The following LRPPRC variants were observed in gnomAD, a reference collection of about 807,000 sequenced individuals.
LRPPRC encodes the protein leucine-rich PPR motif-containing protein, mitochondrial.
A neutral mutation model predicts 180.3 loss-of-function variants in LRPPRC; 120 were observed. The observed-to-expected ratio is 0.67, with a 90% CI of 0.57 to 0.77. The LOEUF (loss-of-function observed/expected upper bound fraction) is 0.77. Ranked by LOEUF, LRPPRC falls within the 30% of genes least tolerant of loss-of-function variation. LRPPRC has a pLI of 0.00. For missense variants in LRPPRC, 2,012 were observed against 1,657.2 expected, an observed-to-expected ratio of 1.21 and a Z score of -3.72; for synonymous variants, 723 against 600.0, an observed-to-expected ratio of 1.21 and a Z score of -3.00.
At chr2:43,916,143 A>G (rs968855595) in intron 29 of LRPPRC, among the ~76,000 whole-genome samples, 1 of 152,164 alleles carries the variant, frequency 6.6e-6, no homozygotes, top group Non-Finnish European at 1.5e-5. Context: ...CCTCAAAACT[A>G]TCAATACTAA....
intron 25 of LRPPRC, 71 bp from the exon 26 acceptor site, chr2:43,926,032 C>G: frequency 2.2e-6 from 2 of 910,856 alleles, no homozygotes; most frequent in Non-Finnish European, 3.7e-6. Flanking sequence ...TCCTCAAAGA[C>G]AGTTTCTTTT....
chr2:43,945,979 T>C (rs1672666705), intron 21 of LRPPRC, 134 bp downstream of exon 21: 9 of 947,862 alleles, frequency 9.5e-6, no homozygotes, highest in African/African-American at 1.7e-5. Flanking sequence ...AATACGAAAT[T>C]TCAAAAACAC....
chr2:43,974,119 A>T, intron 9 of LRPPRC, 31 bp downstream of exon 9: 1 of 1,591,976 alleles, frequency 6.3e-7, no homozygotes, highest in South Asian at 1.1e-5. Context: ...TGCCAATTAC[A>T]TTGTCTACAA....
chr2:43,896,850 T>C (rs1321156237), intron 34 of LRPPRC, 142 bp from the exon 35 acceptor site: 1 of 640,000 alleles, frequency 1.6e-6, no homozygotes, highest in Non-Finnish European at 2.8e-6. Context: ...ACTATTATTT[T>C]TTAAGGCAAG....
intron 25 of LRPPRC, among the ~76,000 whole-genome samples, chr2:43,927,430 T>C (rs1235790864): frequency 6.6e-6 from 1 of 152,200 alleles, no homozygotes; most frequent in Non-Finnish European, 1.5e-5. Flanking sequence ...CTTTTTGGGA[T>C]ACAAGAAATC....
rs1385253881 is a variant in LRPPRC, at chr2:43,973,603, T to C, written c.1369+4A>G. Reference sequence around the variant, plus strand: ...TTACAAATCGGTAAAAGGCAAAATCTAACCTTGAACATTTTTTTCCTTCCG... The same window carrying C: ...TTACAAATCGGTAAAAGGCAAAATCCAACCTTGAACATTTTTTTCCTTCCG... On this transcript the variant is annotated splice_donor_region_variant and intron_variant, in intron 11 of 37. Transcript: ENST00000260665. The C allele has an allele frequency of 1.2e-6, 2 of 1,604,516 alleles. No homozygotes were observed. The highest frequency in any genetic ancestry group is 1.7e-6 in the Non-Finnish European group (2 of 1,171,244).
At chr2:43,976,706 A>AT (rs1195236070) in intron 5 of LRPPRC, among the ~76,000 whole-genome samples, 1 of 148,384 alleles carries the variant, frequency 6.7e-6, no homozygotes, top group Non-Finnish European at 1.5e-5. Context: ...CTTAGGAAAT[A>AT]TTTAAAAAAA....
At chr2:43,942,158 T>C (rs1037155464) in intron 23 of LRPPRC, among the ~76,000 whole-genome samples, 5 of 152,168 alleles carry the variant, frequency 3.3e-5, no homozygotes, top group African/African-American at 1.2e-4. Flanking sequence ...GTCTCCTCTG[T>C]CTTCAAAGTA....
Position 43,962,624 on chromosome 2 carries a change from CCCAA to C in LRPPRC, c.1488+960_1488+963del, listed in dbSNP as rs1673395533. On this transcript the variant is annotated intron_variant, in intron 12 of 37. Transcript: ENST00000260665. ...AACCTTTGCTAATCCAATGCACTGT[CCCAA>C]TCAACATCTTCATGTGCCTCTTCAT... 3.3e-5 allele frequency among the ~76,000 whole-genome samples: 5 copies of C among 152,252 alleles called. No individual in the cohort carries two copies. In the East Asian group the frequency reaches 9.7e-4, roughly 29 times the overall value.
intron 1 of LRPPRC, among the ~76,000 whole-genome samples, chr2:43,982,792 G>A (rs1019157340): frequency 8.5e-5 from 13 of 152,152 alleles, no homozygotes; most frequent in Non-Finnish European, 1.8e-4. Flanking sequence ...AGTTTATGCT[G>A]CAAAGCTCTT....
At chr2:43,974,009 C>CT (rs1159618999) in intron 9 of LRPPRC, 109 bp from the exon 10 acceptor site, 1 of 1,148,226 alleles carries the variant, frequency 8.7e-7, no homozygotes, top group East Asian at 2.3e-5. Context: ...CCCGCATCCT[C>CT]TTTCTACCCA....
chr2:43,909,056 G>A (rs190321096), intron 30 of LRPPRC, among the ~76,000 whole-genome samples: 58 of 152,246 alleles, frequency 3.8e-4, no homozygotes, highest in African/African-American at 1.3e-3. Flanking sequence ...GGGAAGAGAG[G>A]ACCTAGTTGG....
intron 25 of LRPPRC, among the ~76,000 whole-genome samples, chr2:43,930,368 G>T (rs1326047854): frequency 2.0e-5 from 3 of 152,130 alleles, no homozygotes; most frequent in African/African-American, 7.2e-5. Context: ...GAAACTCAGG[G>T]CCTGGTTTCA....
chr2:43,906,787 G>A (rs1437192166), intron 30 of LRPPRC, among the ~76,000 whole-genome samples: 2 of 152,002 alleles, frequency 1.3e-5, no homozygotes, highest in East Asian at 1.9e-4. Context: ...GAGACACTAC[G>A]ACATGCCCAT....
At position 43,994,366 on chromosome 2, in the gene LRPPRC, T is replaced by C. The variant is rs372249208; in HGVS notation, c.149+1433A>G. ...GAGATTAGGTGTTCAGGCTGGTCCATGAAGGTCCGCATAACCGTAGATATT... is the reference window on the plus strand; with the variant it reads ...GAGATTAGGTGTTCAGGCTGGTCCACGAAGGTCCGCATAACCGTAGATATT... On this transcript the variant is annotated intron_variant, in intron 1 of 37. Coordinates refer to ENST00000260665, the MANE Select transcript of LRPPRC (RefSeq NM_133259.4). Among the ~76,000 whole-genome samples, 17 of 152,334 alleles carry C rather than the reference T, an allele frequency of 1.1e-4. No individual in the cohort carries two copies. The South Asian group carries it at 3.5e-3, about 32-fold the overall frequency.
chr2:43,976,923 A>G (rs1674082654), intron 5 of LRPPRC, 71 bp downstream of exon 5: 2 of 1,255,704 alleles, frequency 1.6e-6, no homozygotes, highest in Admixed American at 1.7e-5. Flanking sequence ...TTTAAAACAA[A>G]GAGTGAACAG....
At chr2:43,922,276 T>C (rs1297889324) in intron 27 of LRPPRC, among the ~76,000 whole-genome samples, 2 of 152,224 alleles carry the variant, frequency 1.3e-5, no homozygotes, top group African/African-American at 4.8e-5. Context: ...ACTTACACAG[T>C]TCCATGGGTG....
intron 10 of LRPPRC, 21 bp from the exon 11 acceptor site, chr2:43,973,735 G>C: frequency 6.2e-7 from 1 of 1,603,770 alleles, no homozygotes; most frequent in East Asian, 2.2e-5. Flanking sequence ...TATCATAAAA[G>C]ATCACAAAGC....
intron 27 of LRPPRC, among the ~76,000 whole-genome samples, chr2:43,924,752 C>A (rs1163714752): frequency 2.6e-5 from 4 of 152,048 alleles, no homozygotes; most frequent in African/African-American, 4.8e-5. Flanking sequence ...AATAAATTTA[C>A]CTGAAGGTTT....
Sources: gnomAD v4.1 joint callset for allele counts (sites outside exome capture counted in the v4.1 genomes callset) on GRCh38, gnomAD v4.1.1 for gene constraint, MANE v1.5 for transcripts, NCBI Gene and HGNC (gene_info 2026-07-23, HGNC 2026-07-21) for gene names.